Variants in SGTB observed in about 807,000 individuals in gnomAD.
SGTB encodes the protein small glutamine rich tetratricopeptide repeat co-chaperone beta, also known as small glutamine-rich tetratricopeptide repeat-containing protein beta.
Under a neutral mutation model 43.9 loss-of-function variants are expected in SGTB, and 19 were observed. The ratio of observed to expected loss-of-function variants is 0.43; its 90% CI spans 0.30 to 0.63. The LOEUF (loss-of-function observed/expected upper bound fraction) is 0.63, where lower values mean the gene tolerates loss of function less well. Ranked by LOEUF, SGTB falls within the 30% of genes least tolerant of loss-of-function variation. The probability of loss-of-function intolerance (pLI) is 0.12; values close to 1 mark genes in which losing one functional copy is unlikely to be tolerated. For synonymous variants in SGTB, 116 were observed against 117.3 expected, an observed-to-expected ratio of 0.99 and a Z score of 0.07; for missense variants, 304 against 358.9, an observed-to-expected ratio of 0.85 and a Z score of 1.24.
intron 2 of SGTB, among the ~76,000 whole-genome samples, chr5:65,716,125 T>C (rs887648153): frequency 1.3e-5 from 2 of 152,172 alleles, no homozygotes; most frequent in African/African-American, 4.8e-5. Flanking sequence ...AAAAGAGATT[T>C]GACAAAGACT....
intron 10 of SGTB, 40 bp from the exon 11 acceptor site, chr5:65,670,397 C>G (rs780392154): frequency 3.2e-6 from 5 of 1,539,478 alleles, no homozygotes; most frequent in Non-Finnish European, 2.7e-6. Flanking sequence ...AGGGAATTGC[C>G]AGTCACATTT....
chr5:65,685,350 C>T lies in SGTB; in HGVS notation c.479+18G>A. ...TGATGCTACATGGTACTACTTGGAA[C>T]ATCCTCCCAGAACTTACCCCATTCT... On this transcript the variant is annotated intron_variant, in intron 6 of 10. Transcript: ENST00000381007. 6.2e-7 allele frequency: 1 copy of T among 1,610,156 alleles called. No homozygotes were observed. The highest frequency in any genetic ancestry group is 8.5e-7 in the Non-Finnish European group (1 of 1,176,518).
rs1180676002 is a variant in SGTB, at chr5:65,666,596, TTTAAAA to T, written c.*3644_*3649del. On this transcript the variant is annotated 3_prime_UTR_variant, in exon 11 of 11. Coordinates refer to ENST00000381007, the MANE Select transcript of SGTB (RefSeq NM_019072.3). ...AAATATATGGGGCATTTTTTATAAATTTAAAAGTAGCTAGCACAATCCAACCACGCA... is the reference window on the plus strand; with the variant it reads ...AAATATATGGGGCATTTTTTATAAATGTAGCTAGCACAATCCAACCACGCA... The T allele has an allele frequency of 2.6e-5, 4 of 152,182 alleles. No individual in the cohort carries two copies. Among genetic ancestry groups the T allele is most frequent in the Non-Finnish European group, 4.4e-5 (3 of 67,990 alleles). 9.4% of individuals were successfully genotyped at this position (152,182 alleles called of 1,614,324 possible). A position where few individuals can be genotyped will look rare whatever the true frequency, so the allele number is the denominator to read the frequency against.
intron 5 of SGTB, among the ~76,000 whole-genome samples, chr5:65,688,687 T>C (rs1757545037): frequency 6.6e-6 from 1 of 152,234 alleles, no homozygotes; most frequent in South Asian, 2.1e-4. Flanking sequence ...TACATAGGAC[T>C]TAGCATACTC....
intron 3 of SGTB, among the ~76,000 whole-genome samples, chr5:65,710,995 CAAA>C (rs982877268): frequency 7.5e-5 from 7 of 93,180 alleles, no homozygotes; most frequent in Admixed American, 2.5e-4. Context: ...GACTCTGTCT[CAAA>C]AAAAAAAAAA....
intron 5 of SGTB, among the ~76,000 whole-genome samples, chr5:65,700,816 C>A (rs1346132922): frequency 6.6e-6 from 1 of 151,520 alleles, no homozygotes; most frequent in Non-Finnish European, 1.5e-5. Context: ...TCAACTCTGG[C>A]CTGCCCAAGA....
intron 2 of SGTB, among the ~76,000 whole-genome samples, 167 bp downstream of exon 2, chr5:65,720,541 C>A (rs1180148735): frequency 6.6e-6 from 1 of 152,158 alleles, no homozygotes; most frequent in African/African-American, 2.4e-5. Flanking sequence ...ACAAACAAAA[C>A]AAGCTTCAGA....
chr5:65,670,230 T>C lies in SGTB; in HGVS notation c.*16A>G, dbSNP rs1403240140. The C allele has an allele frequency of 4.3e-6, 7 of 1,610,518 alleles. No homozygotes were observed. Among genetic ancestry groups the C allele is most frequent in the Non-Finnish European group, 5.9e-6 (7 of 1,176,948 alleles). On this transcript the variant is annotated 3_prime_UTR_variant, in exon 11 of 11. Coordinates refer to ENST00000381007, the MANE Select transcript of SGTB (RefSeq NM_019072.3). ...CCATAAACCATTTGTATCTTGGGCT[T>C]GAGCCCCTGGTTAAATCAGGAATGC... is the stretch of plus-strand genomic sequence containing the variant.
At chr5:65,713,802 T>C (rs922352520) in intron 2 of SGTB, among the ~76,000 whole-genome samples, 1 of 151,846 alleles carries the variant, frequency 6.6e-6, no homozygotes, top group African/African-American at 2.4e-5. Flanking sequence ...CCAAGGAGAG[T>C]GGATTGCCTG....
At chr5:65,699,278 T>C (rs1030932202) in intron 5 of SGTB, among the ~76,000 whole-genome samples, 1 of 152,178 alleles carries the variant, frequency 6.6e-6, no homozygotes, top group African/African-American at 2.4e-5. Flanking sequence ...GTGAAATAAC[T>C]CAGGAATGGA....
chr5:65,687,561 A>G (rs918870440), intron 5 of SGTB, among the ~76,000 whole-genome samples: 2 of 152,234 alleles, frequency 1.3e-5, no homozygotes, highest in African/African-American at 2.4e-5. Flanking sequence ...ATTGTCTCAG[A>G]GCAAGCTCCT....
chr5:65,708,503 T>A lies in SGTB; in HGVS notation c.260A>T (p.Gln87Leu). Reference sequence around the variant, plus strand: ...GAAATATTCACCTTCATCTTTTAATTGGTCAGCTTTTCCCACATCTTCAGG... The same window carrying A: ...GAAATATTCACCTTCATCTTTTAATAGGTCAGCTTTTCCCACATCTTCAGG... ...SVPEDVGKAD[Q>L]LKDEGNNHMK... The change falls in exon 4 of 11, where the codon CAA becomes CTA. Residue 87 changes from glutamine to leucine, a missense_variant. Physicochemically the swap from Gln to Leu is moderately radical, Grantham distance 113 (BLOSUM62 -2). Coordinates refer to ENST00000381007, the MANE Select transcript of SGTB (RefSeq NM_019072.3). 1 of 1,612,840 alleles carries A rather than the reference T, an allele frequency of 6.2e-7. No homozygotes were observed. The highest frequency in any genetic ancestry group is 8.5e-7 in the Non-Finnish European group (1 of 1,179,652).
chr5:65,716,276 G>A (rs1381886194), intron 2 of SGTB, among the ~76,000 whole-genome samples: 8 of 152,204 alleles, frequency 5.3e-5, no homozygotes, highest in Non-Finnish European at 8.8e-5. Context: ...ATGAGAAAGG[G>A]GAGGAGTAGG....
chr5:65,680,922 G>T, intron 6 of SGTB, 128 bp from the exon 7 acceptor site: 1 of 1,059,118 alleles, frequency 9.4e-7, no homozygotes, highest in Non-Finnish European at 1.3e-6. Context: ...TTTATTCACT[G>T]TACTATGGCT....
At chr5:65,719,568 G>C (rs781267347) in intron 2 of SGTB, among the ~76,000 whole-genome samples, 24 of 152,210 alleles carry the variant, frequency 1.6e-4, no homozygotes, top group Admixed American at 3.9e-4. Context: ...ACTCCAGCCT[G>C]GGTGACAGAG....
chr5:65,720,085 T>C (rs912496044), intron 2 of SGTB, among the ~76,000 whole-genome samples: 43 of 144,394 alleles, frequency 3.0e-4, no homozygotes, highest in African/African-American at 1.0e-3. Flanking sequence ...CTTTTTCTTT[T>C]TTTTTTTTTT....
chr5:65,694,894 T>C (rs946759689), intron 5 of SGTB, among the ~76,000 whole-genome samples: 1 of 151,828 alleles, frequency 6.6e-6, no homozygotes, highest in African/African-American at 2.4e-5. Context: ...TGTGCATAGG[T>C]AGTAGAGAGA....
chr5:65,722,532 C>T (rs1006205571), upstream of SGTB: 5 of 934,042 alleles, frequency 5.4e-6, no homozygotes, highest in African/African-American at 8.6e-5. Context: ...TCCCGGGACG[C>T]ACCCTCCCCG....
chr5:65,669,283 T>A lies in SGTB; in HGVS notation c.*963A>T, dbSNP rs1561147404. 6.6e-6 allele frequency: 1 copy of A among 152,078 alleles called. No individual in the cohort carries two copies. Among genetic ancestry groups the A allele is most frequent in the East Asian group, 1.9e-4 (1 of 5,206 alleles). 9.4% of individuals were successfully genotyped at this position (152,078 alleles called of 1,614,324 possible). A position where few individuals can be genotyped will look rare whatever the true frequency, so the allele number is the denominator to read the frequency against. On this transcript the variant is annotated 3_prime_UTR_variant, in exon 11 of 11. Coordinates refer to ENST00000381007, the MANE Select transcript of SGTB (RefSeq NM_019072.3). ...TCAAATAATTACTAAGTTTTCTTTT[T>A]AAAAAAAATCAGTGTTTATGGGCAC...
Sources: gnomAD v4.1 joint callset for allele counts (sites outside exome capture counted in the v4.1 genomes callset) on GRCh38, gnomAD v4.1.1 for gene constraint, MANE v1.5 for transcripts, NCBI Gene and HGNC (gene_info 2026-07-23, HGNC 2026-07-21) for gene names.